GPBP1: variants seen among roughly 807,000 people sequenced by gnomAD.
The protein encoded by GPBP1 is GC-rich promoter binding protein 1, also known as vasculin.
GPBP1 carries 13 observed loss-of-function variants against 56.5 expected under a neutral mutation model. The observed-to-expected ratio is 0.23, with a 90% CI of 0.15 to 0.37. The LOEUF is 0.37. Among genes scored for constraint, GPBP1 ranks in the 10% least tolerant of loss-of-function variants. The probability of loss-of-function intolerance (pLI) is 1.00; values close to 1 mark genes in which losing one functional copy is unlikely to be tolerated. For missense variants in GPBP1, 477 were observed against 572.3 expected (o/e 0.83, Z 1.70); for synonymous variants, 204 against 188.9 (o/e 1.08, Z -0.66).
chr5:57,217,503 G>T (rs1485333231), intron 3 of GPBP1, among the ~76,000 whole-genome samples: 1 of 150,422 alleles, frequency 6.6e-6, no homozygotes, highest in Admixed American at 6.6e-5. Context: ...CCGGGAGGGT[G>T]GAGGTTGTGG....
chr5:57,255,184 CCT>C (rs965200595), intron 10 of GPBP1, among the ~76,000 whole-genome samples: 1 of 150,392 alleles, frequency 6.6e-6, no homozygotes, highest in Non-Finnish European at 1.5e-5. Flanking sequence ...GTGTTCACGT[CCT>C]CTCTCTCTTC....
intron 2 of GPBP1, among the ~76,000 whole-genome samples, chr5:57,182,590 C>T (rs528413331): frequency 6.6e-6 from 1 of 151,946 alleles, no homozygotes; most frequent in East Asian, 1.9e-4. Flanking sequence ...CCAGGCTGGT[C>T]TTGAACTCCT....
At chr5:57,223,673 G>A (rs1022916392) in intron 3 of GPBP1, among the ~76,000 whole-genome samples, 1 of 151,672 alleles carries the variant, frequency 6.6e-6, no homozygotes, top group African/African-American at 2.4e-5. Flanking sequence ...AATGAATGCA[G>A]CATAACTAAA....
At chr5:57,261,405 T>G (rs568347699) in intron 11 of GPBP1, 123 bp downstream of exon 11, 4 of 473,544 alleles carry the variant, frequency 8.4e-6, no homozygotes, top group African/African-American at 8.3e-5. Context: ...GAATTGCTTT[T>G]AAAAAAAAAA....
chr5:57,202,171 G>C (rs1755048268), intron 2 of GPBP1, among the ~76,000 whole-genome samples: 1 of 152,130 alleles, frequency 6.6e-6, no homozygotes, highest in Non-Finnish European at 1.5e-5. Flanking sequence ...TTTTTGTAGA[G>C]GCGAGGTTTC....
At chr5:57,216,462 C>T (rs1011161562) in intron 3 of GPBP1, among the ~76,000 whole-genome samples, 2 of 152,132 alleles carry the variant, frequency 1.3e-5, no homozygotes, top group African/African-American at 4.8e-5. Flanking sequence ...TGGCTCACAC[C>T]TGTAATCCCA....
intron 6 of GPBP1, 101 bp from the exon 7 acceptor site, chr5:57,246,199 A>T (rs1741081233): frequency 1.2e-5 from 4 of 330,196 alleles, no homozygotes; most frequent in East Asian, 2.6e-4. Context: ...CTGTTAGTTA[A>T]AAAAAAAAAA....
intron 2 of GPBP1, among the ~76,000 whole-genome samples, chr5:57,193,795 GA>G (rs1011792282): frequency 6.6e-6 from 1 of 151,760 alleles, no homozygotes; most frequent in African/African-American, 2.4e-5. Flanking sequence ...TTAAGGATTT[GA>G]AAAAAACAAA....
At position 57,175,426 on chromosome 5, in the gene GPBP1, A is replaced by AT. The variant is rs111292211; in HGVS notation, c.-1010-14dup. 1.6e-3 allele frequency: 653 copies of AT among 398,122 alleles called. 3 individuals are homozygous for AT. The highest frequency in any genetic ancestry group is 2.1e-3 in the Admixed American group (48 of 22,686). 24.7% of individuals were successfully genotyped at this position (398,122 alleles called of 1,614,324 possible). A position where few individuals can be genotyped will look rare whatever the true frequency, so the allele number is the denominator to read the frequency against. On this transcript the variant is annotated intron_variant, in intron 1 of 11. Transcript: ENST00000506184. The stretch of plus-strand genomic sequence containing the variant: ...GCTCAAAATCAAAACTCAGTATATA[A>AT]TTTTTTTTATAACTTTTACAGGTGA...
intron 2 of GPBP1, among the ~76,000 whole-genome samples, chr5:57,211,027 A>G (rs904255726): frequency 6.6e-6 from 1 of 152,214 alleles, no homozygotes; most frequent in African/African-American, 2.4e-5. Flanking sequence ...TCAACCCATA[A>G]CATACACAGG....
At chr5:57,251,259 C>A in intron 10 of GPBP1, 118 bp downstream of exon 10, 2 of 855,658 alleles carry the variant, frequency 2.3e-6, no homozygotes, top group Non-Finnish European at 3.6e-6. Context: ...TAAATTTCAC[C>A]CATTATGATA....
At chr5:57,261,405 T>A (rs568347699) in intron 11 of GPBP1, 123 bp downstream of exon 11, 261 of 471,868 alleles carry the variant, frequency 5.5e-4, no homozygotes, top group Middle Eastern at 1.2e-3. Context: ...GAATTGCTTT[T>A]AAAAAAAAAA....
At chr5:57,244,727 ATTTTTTTTTTTTT>A (rs532660984) in intron 6 of GPBP1, among the ~76,000 whole-genome samples, 1 of 93,154 alleles carries the variant, frequency 1.1e-5, no homozygotes, top group East Asian at 3.4e-4. Flanking sequence ...TTTGTTTGAG[ATTTTTTTTTTTTT>A]TTTTTTTTTT....
Position 57,175,472 on chromosome 5 carries a change from GATC to G in GPBP1, c.-979_-977del. Reference sequence around the variant, plus strand: ...GGTGATTGAATTACTCAGATATGAAGATCATCATCTAGGTTTTGTGTAAAAGGC... The same window carrying G: ...GGTGATTGAATTACTCAGATATGAAGATCATCTAGGTTTTGTGTAAAAGGC... On this transcript the variant is annotated 5_prime_UTR_variant, in exon 2 of 12. Transcript: ENST00000506184. 1 of 398,494 alleles carries G rather than the reference GATC, an allele frequency of 2.5e-6. No individual in the cohort carries two copies. The highest frequency in any genetic ancestry group is 4.4e-6 in the Non-Finnish European group (1 of 226,040). 24.7% of individuals were successfully genotyped at this position (398,494 alleles called of 1,614,324 possible). A position where few individuals can be genotyped will look rare whatever the true frequency, so the allele number is the denominator to read the frequency against.
chr5:57,179,054 T>G (rs1328712454), intron 2 of GPBP1, among the ~76,000 whole-genome samples: 2 of 152,184 alleles, frequency 1.3e-5, no homozygotes, highest in Non-Finnish European at 2.9e-5. Context: ...GGGCTGAGAC[T>G]GGGAGAAAGT....
intron 2 of GPBP1, among the ~76,000 whole-genome samples, chr5:57,182,914 C>T (rs191098055): frequency 2.0e-5 from 3 of 152,272 alleles, no homozygotes; most frequent in African/African-American, 7.2e-5. Flanking sequence ...AACTCCTAAT[C>T]TCAAGTGTTC....
At chr5:57,255,676 C>A (rs1580084567) in intron 10 of GPBP1, among the ~76,000 whole-genome samples, 3 of 152,344 alleles carry the variant, frequency 2.0e-5, no homozygotes, top group Admixed American at 2.0e-4. Context: ...CACCTAATAT[C>A]TTGTCTTCTG....
rs148809986 is a variant in GPBP1 at position 57,213,854 on chromosome 5, C to T, written c.-57-220C>T. On this transcript the variant is annotated intron_variant, in intron 2 of 11. Transcript: ENST00000506184. ...ATGTGTACAGTTGTAATAACCACCG[C>T]AATCAAGATAATACTCAGTTACCCA... 1.7e-3 allele frequency among the ~76,000 whole-genome samples: 260 copies of T among 152,298 alleles called. 4 individuals are homozygous for T. The East Asian group carries it at 0.045, about 26-fold the overall frequency.
Position 57,254,228 on chromosome 5 carries a change from G to A in GPBP1, c.1160+3087G>A, listed in dbSNP as rs532554171. ...GCCACCATGCCCAGCCCTTCCCCACGCCCCTCGCTTTTTTTCCCTTAGATT... is the reference window on the plus strand; with the variant it reads ...GCCACCATGCCCAGCCCTTCCCCACACCCCTCGCTTTTTTTCCCTTAGATT... On this transcript the variant is annotated intron_variant, in intron 10 of 11. Coordinates refer to ENST00000506184, the MANE Select transcript of GPBP1 (RefSeq NM_022913.4). Among the ~76,000 whole-genome samples, 8 of 152,112 alleles carry A rather than the reference G, an allele frequency of 5.3e-5. No individual in the cohort carries two copies. The East Asian group carries it at 1.4e-3, about 26-fold the overall frequency.
Sources: gnomAD v4.1 joint callset for allele counts (sites outside exome capture counted in the v4.1 genomes callset) on GRCh38, gnomAD v4.1.1 for gene constraint, MANE v1.5 for transcripts, NCBI Gene and HGNC (gene_info 2026-07-23, HGNC 2026-07-21) for gene names.